NAT1: variants seen among roughly 807,000 people sequenced by gnomAD.
NAT1 encodes arylamine N-acetyltransferase 1.
For missense variants in NAT1, 400 were observed against 339.2 expected (o/e 1.18, Z -1.41); for synonymous variants, 144 against 122.6 (o/e 1.17, Z -1.16).
chr8:18,216,952 G>A (rs764988941), intron 1 of NAT1: 5 of 1,551,052 alleles, frequency 3.2e-6, no homozygotes, highest in Admixed American at 2.0e-5. Context: ...CCAGCTGTTG[G>A]CTATAATAGC....
chr8:18,204,163 TTCTCTCTC>T (rs111268683), intron 2 of NAT1, among the ~76,000 whole-genome samples: 3 of 148,622 alleles, frequency 2.0e-5, no homozygotes, highest in Non-Finnish European at 3.0e-5. Context: ...TTGGATGTCT[TTCTCTCTC>T]TCTCTCTCTC....
At chr8:18,220,734 G>C (rs576886607) in intron 2 of NAT1, among the ~76,000 whole-genome samples, 41 of 152,176 alleles carry the variant, frequency 2.7e-4, no homozygotes, top group African/African-American at 9.9e-4. Flanking sequence ...TACCCCACCA[G>C]CTTCTACTCA....
rs72554611 is a variant in NAT1 at position 18,222,834 on chromosome 8, A to G, written c.787A>G (p.Ile263Val). Reference sequence around the variant, plus strand: ...GTTCAAGACTCTGAGTGAGGAAGAAATAGAAAAAGTGCTGAAAAATATATT... The same window carrying G: ...GTTCAAGACTCTGAGTGAGGAAGAAGTAGAAAAAGTGCTGAAAAATATATT... ...IEFKTLSEEE[I>V]EKVLKNIFNI... Residue 263 changes from isoleucine (I) to valine (V), a missense_variant, in exon 3 of 3, where the codon ATA (isoleucine) becomes GTA (valine). Ile to Val is a conservative substitution (Grantham distance 29). Transcript: ENST00000307719. 7 of 1,604,454 alleles carry G rather than the reference A, an allele frequency of 4.4e-6. No individual in the cohort carries two copies. The highest frequency in any genetic ancestry group is 5.9e-6 in the Non-Finnish European group (7 of 1,177,366).
At chr8:18,181,030 T>C (rs1802490483) in intron 2 of NAT1, among the ~76,000 whole-genome samples, 1 of 152,172 alleles carries the variant, frequency 6.6e-6, no homozygotes, top group African/African-American at 2.4e-5. Context: ...TTTTTTCTAT[T>C]TCTGTGAAGT....
chr8:18,216,011 G>A (rs1279086061), intron 1 of NAT1, among the ~76,000 whole-genome samples: 2 of 152,140 alleles, frequency 1.3e-5, no homozygotes, highest in Non-Finnish European at 2.9e-5. Context: ...TTTCATGTAA[G>A]AGCTGGGTAG....
chr8:18,222,512 G>C lies in NAT1; in HGVS notation c.465G>C (p.Glu155Asp). Residue 155 changes from glutamate (E) to aspartate (D), a missense_variant, in exon 3 of 3, where the codon GAG (glutamate) becomes GAC (aspartate). By Grantham distance (45) the Glu-to-Asp change is conservative. Coordinates refer to ENST00000307719, the MANE Select transcript of NAT1 (RefSeq NM_000662.8). ...CTTGTGTCTTCCGTTTGACGGAAGAGAATGGATTCTGGTATCTAGACCAAA... is the reference window on the plus strand; with the variant it reads ...CTTGTGTCTTCCGTTTGACGGAAGACAATGGATTCTGGTATCTAGACCAAA... ...QVPCVFRLTE[E>D]NGFWYLDQIR... 6.2e-7 allele frequency: 1 copy of C among 1,614,112 alleles called. No homozygotes were observed. Among genetic ancestry groups the C allele is most frequent in the South Asian group, 1.1e-5 (1 of 91,074 alleles).
At chr8:18,193,468 T>TTA (rs1364077230) in intron 2 of NAT1, among the ~76,000 whole-genome samples, 11 of 142,610 alleles carry the variant, frequency 7.7e-5, no homozygotes, top group South Asian at 2.2e-4. Flanking sequence ...AAAAAAAAAT[T>TTA]TATATATATA....
At chr8:18,194,757 T>C (rs548546901) in intron 2 of NAT1, among the ~76,000 whole-genome samples, 37 of 150,514 alleles carry the variant, frequency 2.5e-4, no homozygotes, top group African/African-American at 8.6e-4. Context: ...GGGGTGGAGG[T>C]TGAAGTAAGT....
chr8:18,208,036 G>A (rs772801067), upstream of NAT1, among the ~76,000 whole-genome samples: 6 of 149,448 alleles, frequency 4.0e-5, no homozygotes, highest in South Asian at 2.2e-4. Context: ...AACACTGCAC[G>A]TTCTGACTCA....
At chr8:18,196,536 C>T (rs1425370107) in intron 2 of NAT1, among the ~76,000 whole-genome samples, 1 of 152,174 alleles carries the variant, frequency 6.6e-6, no homozygotes, top group Non-Finnish European at 1.5e-5. Context: ...TATCTCCACT[C>T]AATATTTTTC....
At chr8:18,216,180 T>A (rs977490372) in intron 1 of NAT1, among the ~76,000 whole-genome samples, 2 of 152,154 alleles carry the variant, frequency 1.3e-5, no homozygotes, top group African/African-American at 4.8e-5. Context: ...TTTCAGCCAG[T>A]TGGTTACCCT....
Position 18,222,478 on chromosome 8 carries a change from C to T in NAT1, c.431C>T (p.Pro144Leu). 6.2e-7 allele frequency: 1 copy of T among 1,614,070 alleles called. No homozygotes were observed. Among genetic ancestry groups the T allele is most frequent in the East Asian group, 2.2e-5 (1 of 44,876 alleles). The change falls in exon 3 of 3, where the codon CCT becomes CTT. Residue 144 changes from proline (P) to leucine (L), a missense_variant. By Grantham distance (98) the Pro-to-Leu change is moderately conservative (BLOSUM62 -3). Transcript: ENST00000307719. ...PLELISGKDQ[P>L]QVPCVFRLTE... is the part of the protein sequence containing the mutation. ...GAGTTAATTTCTGGGAAGGATCAGC[C>T]TCAGGTGCCTTGTGTCTTCCGTTTG...
intron 2 of NAT1, among the ~76,000 whole-genome samples, chr8:18,174,311 A>G (rs1330983147): frequency 6.6e-6 from 1 of 152,136 alleles, no homozygotes. Context: ...ATCTGGACAC[A>G]TTCAGTCCCT....
chr8:18,186,796 T>C (rs1021966462), intron 2 of NAT1, among the ~76,000 whole-genome samples: 2 of 152,052 alleles, frequency 1.3e-5, no homozygotes, highest in East Asian at 3.9e-4. Flanking sequence ...AATTGACAAA[T>C]GGGAACTAAT....
rs778851692 is a variant in NAT1, at chr8:18,222,635, T to A, written c.588T>A (p.Pro196=). 6.2e-7 allele frequency: 1 copy of A among 1,613,402 alleles called. No individual in the cohort carries two copies. The highest frequency in any genetic ancestry group is 1.1e-5 in the South Asian group (1 of 90,920). The change falls in exon 3 of 3, where the codon CCT becomes CCA. Residue 196 remains proline, a synonymous_variant. Transcript: ENST00000307719. ...AAATCTACTCCTTTACTCTTAAGCCTCGAACAATTGAAGATTTTGAGTCTA... is the reference window on the plus strand; with the variant it reads ...AAATCTACTCCTTTACTCTTAAGCCACGAACAATTGAAGATTTTGAGTCTA... ...YRKIYSFTLK[P]RTIEDFESMN... is the part of the protein sequence containing the mutation.
At chr8:18,216,968 G>C (rs915142647) in intron 1 of NAT1, 1 of 1,550,746 alleles carries the variant, frequency 6.4e-7, no homozygotes, top group African/African-American at 1.4e-5. Context: ...ATAGCCTACC[G>C]GTCTCTGATG....
intron 2 of NAT1, among the ~76,000 whole-genome samples, chr8:18,173,613 C>T (rs976780899): frequency 5.9e-5 from 9 of 152,142 alleles, no homozygotes; most frequent in Non-Finnish European, 1.5e-5. Flanking sequence ...AGGAGCCCAG[C>T]GTGGATAGTG....
Position 18,222,275 on chromosome 8 carries a change from C to T in NAT1, c.228C>T (p.Tyr76=), listed in dbSNP as rs758659369. ...GWCLQVNHLL[Y]WALTTIGFET... is the part of the protein sequence containing the mutation. ...GTCTCCAGGTCAATCATCTTCTGTA[C>T]TGGGCTCTGACCACTATTGGTTTTG... is the stretch of plus-strand genomic sequence containing the variant. The change falls in exon 3 of 3, where the codon TAC becomes TAT. Residue 76 remains tyrosine (Y), a synonymous_variant. Coordinates refer to ENST00000307719, the MANE Select transcript of NAT1 (RefSeq NM_000662.8). 4.3e-6 allele frequency: 7 copies of T among 1,614,136 alleles called. No individual in the cohort carries two copies. The Middle Eastern group carries it at 6.6e-4, about 152-fold the overall frequency.
intron 2 of NAT1, among the ~76,000 whole-genome samples, chr8:18,176,087 C>T (rs1802284120): frequency 6.6e-6 from 1 of 152,056 alleles, no homozygotes; most frequent in South Asian, 2.1e-4. Flanking sequence ...GTTTGAGTTC[C>T]TTATATATTT....
Sources: gnomAD v4.1 joint callset for allele counts (sites outside exome capture counted in the v4.1 genomes callset) on GRCh38, gnomAD v4.1.1 for gene constraint, MANE v1.5 for transcripts, NCBI Gene and HGNC (gene_info 2026-07-23, HGNC 2026-07-21) for gene names.